Variants in SLC11A1 observed in about 807,000 individuals in gnomAD.
SLC11A1 encodes the protein solute carrier family 11 member 1, also known as natural resistance-associated macrophage protein 1.
In SLC11A1, 59 loss-of-function variants were observed where a neutral mutation model predicts 63.2. That is an observed-to-expected ratio of 0.93 (90% CI 0.76 to 1.16). SLC11A1 has a LOEUF of 1.16. Among genes scored for constraint, SLC11A1 ranks in the 50% most tolerant of loss-of-function variants. The probability of loss-of-function intolerance (pLI) is 0.00; values close to 1 mark genes in which losing one functional copy is unlikely to be tolerated. For synonymous variants in SLC11A1, 305 were observed against 307.8 expected, an observed-to-expected ratio of 0.99 and a Z score of 0.09; for missense variants, 688 against 730.7, an observed-to-expected ratio of 0.94 and a Z score of 0.67.
chr2:218,387,635 A>T lies in SLC11A1; in HGVS notation c.639+3A>T. 1 of 1,614,072 alleles carries T rather than the reference A, an allele frequency of 6.2e-7. No individual in the cohort carries two copies. Among genetic ancestry groups the T allele is most frequent in the South Asian group, 1.1e-5 (1 of 91,078 alleles). The stretch of plus-strand genomic sequence containing the variant: ...TGGCCTTGACCTTTGGCTATGAGGT[A>T]GGAAGCCAGTGCTGCAACCCCACTG... On this transcript the variant is annotated splice_donor_region_variant and intron_variant, in intron 7 of 14. Coordinates refer to ENST00000233202, the MANE Select transcript of SLC11A1 (RefSeq NM_000578.4).
chr2:218,390,029 G>A lies in SLC11A1; in HGVS notation c.954+1G>A. On this transcript the variant is annotated splice_donor_variant, in intron 9 of 14. Transcript: ENST00000233202. LOFTEE classifies it high-confidence loss of function. ...CTACCAGAAAACCAACCAGGCTGCG[G>A]TGAGACACACTTTCCCCCGCACCTG... The A allele has an allele frequency of 6.2e-7, 1 of 1,608,730 alleles. No homozygotes were observed. Among genetic ancestry groups the A allele is most frequent in the East Asian group, 2.2e-5 (1 of 44,858 alleles).
At position 218,385,225 on chromosome 2, in the gene SLC11A1, G is replaced by C; in HGVS notation, c.352G>C (p.Gly118Arg). 1 of 1,614,088 alleles carries C rather than the reference G, an allele frequency of 6.2e-7. No individual in the cohort carries two copies. Among genetic ancestry groups the C allele is most frequent in the Non-Finnish European group, 8.5e-7 (1 of 1,179,938 alleles). ...RLAARLGVVT[G>R]KDLGEVCHLY... The stretch of plus-strand genomic sequence containing the variant: ...GGCTGCACGTCTGGGCGTGGTGACA[G>C]GCAAGGACTTGGGCGAGGTCTGCCA... Residue 118 changes from glycine to arginine, a missense_variant, in exon 4 of 15, where the codon GGC (glycine) becomes CGC (arginine). Transcript: ENST00000233202.
chr2:218,394,828 G>A (rs771925358), intron 14 of SLC11A1, 43 bp downstream of exon 14: 1 of 1,608,914 alleles, frequency 6.2e-7, no homozygotes, highest in Admixed American at 1.7e-5. Context: ...GATGAGGGAA[G>A]GACAAGAGGC....
intron 5 of SLC11A1, 96 bp from the exon 6 acceptor site, chr2:218,387,064 C>T (rs1289630019): frequency 1.7e-6 from 2 of 1,165,550 alleles, no homozygotes; most frequent in Admixed American, 3.4e-5. Context: ...GGGTCCTGCT[C>T]CCAGGAGGCC....
Position 218,384,300 on chromosome 2 carries a change from A to G in SLC11A1, c.208A>G (p.Ile70Val), listed in dbSNP as rs1433970079. ...AFTGPGFLMS[I>V]AFLDPGNIES... ...CACGGGGCCTGGCTTCCTCATGAGC[A>G]TTGCTTTCCTGGACCCAGGAAACAT... The change falls in exon 3 of 15, where the codon ATT (isoleucine) becomes GTT (valine). Residue 70 changes from isoleucine to valine, a missense_variant. Ile to Val is a conservative substitution (Grantham distance 29, BLOSUM62 3). Transcript: ENST00000233202. This position sits in a 1 kb window ranked among gnomAD's most constrained non-coding sequence, Gnocchi z 4.0. The G allele has an allele frequency of 6.2e-7, 1 of 1,609,366 alleles. No homozygotes were observed. Among genetic ancestry groups the G allele is most frequent in the South Asian group, 1.1e-5 (1 of 90,604 alleles).
chr2:218,387,667 TCCC>T (rs752277536), intron 7 of SLC11A1, 35 bp downstream of exon 7: 1 of 1,613,094 alleles, frequency 6.2e-7, no homozygotes, highest in South Asian at 1.1e-5. Flanking sequence ...ACTGTGGACC[TCCC>T]AAGATCATTC....
intron 4 of SLC11A1, 107 bp from the exon 5 acceptor site, chr2:218,386,528 G>A (rs1485174216): frequency 2.0e-5 from 15 of 732,512 alleles, no homozygotes; most frequent in Admixed American, 1.3e-4. Context: ...GAAGCCCATT[G>A]GCCAGACTGT....
intron 8 of SLC11A1, 29 bp downstream of exon 8, chr2:218,387,984 C>A (rs2106332772): frequency 2.6e-6 from 4 of 1,562,426 alleles, no homozygotes; most frequent in East Asian, 2.3e-5. Context: ...AAAGGAGACC[C>A]CCTCACTCAG....
chr2:218,384,309 C>T lies in SLC11A1; in HGVS notation c.217C>T (p.Leu73=), dbSNP rs1357054741. Residue 73 remains leucine, a synonymous_variant, in exon 3 of 15, where the codon CTG becomes TTG. Transcript: ENST00000233202. This position sits in a 1 kb window ranked among gnomAD's most constrained non-coding sequence, Gnocchi z 4.0. ...GPGFLMSIAF[L]DPGNIESDLQ... ...TGGCTTCCTCATGAGCATTGCTTTCCTGGACCCAGGAAACATCGAGTCAGA... is the reference window on the plus strand; with the variant it reads ...TGGCTTCCTCATGAGCATTGCTTTCTTGGACCCAGGAAACATCGAGTCAGA... The T allele has an allele frequency of 6.2e-7, 1 of 1,609,168 alleles. No homozygotes were observed. The highest frequency in any genetic ancestry group is 8.5e-7 in the Non-Finnish European group (1 of 1,176,562).
intron 12 of SLC11A1, 108 bp downstream of exon 12, chr2:218,393,238 C>T (rs1696560219): frequency 1.7e-6 from 2 of 1,168,006 alleles, no homozygotes; most frequent in Non-Finnish European, 1.1e-6. Flanking sequence ...GTCCCAGGCA[C>T]ATCTTGCCTA....
chr2:218,389,482 G>A (rs930273700), intron 8 of SLC11A1, among the ~76,000 whole-genome samples: 1 of 152,146 alleles, frequency 6.6e-6, no homozygotes, highest in Non-Finnish European at 1.5e-5. Context: ...GGGCCCATGA[G>A]TTGGAGGCTG....
At chr2:218,389,721 C>A in intron 8 of SLC11A1, 149 bp from the exon 9 acceptor site, 1 of 696,528 alleles carries the variant, frequency 1.4e-6, no homozygotes, top group Non-Finnish European at 2.3e-6. Context: ...TGTAGGAAAC[C>A]ATCGGCTGAC....
rs1236054202 is a variant in SLC11A1 at position 218,396,727 on chromosome 2, C to G, written c.*1692C>G. 2 of 152,518 alleles carry G rather than the reference C, an allele frequency of 1.3e-5. No homozygotes were observed. Among genetic ancestry groups the G allele is most frequent in the South Asian group, 2.1e-4 (1 of 4,852 alleles). The allele number at this position is 152,518 out of a possible 1,614,324, so 9.4% of individuals were successfully genotyped here. A position where few individuals can be genotyped will look rare whatever the true frequency, so the allele number is the denominator to read the frequency against. ...GCTGAAGGAGGAGATGGATGGGGGA[C>G]GTTTAGCGAAGAAAGGCATCTCCCA... is the stretch of plus-strand genomic sequence containing the variant. On this transcript the variant is annotated 3_prime_UTR_variant, in exon 15 of 15. Coordinates refer to ENST00000233202, the MANE Select transcript of SLC11A1 (RefSeq NM_000578.4).
At position 218,395,592 on chromosome 2, in the gene SLC11A1, G is replaced by T. The variant is rs533364912; in HGVS notation, c.*557G>T. ...AGCGATTCTCTTTATTCAGCCCCGG[G>T]AGTGGCGCGCGCCACCACGCCCAGC... is the stretch of plus-strand genomic sequence containing the variant. On this transcript the variant is annotated 3_prime_UTR_variant, in exon 15 of 15. Coordinates refer to ENST00000233202, the MANE Select transcript of SLC11A1 (RefSeq NM_000578.4). 1 of 152,688 alleles carries T rather than the reference G, an allele frequency of 6.5e-6. No homozygotes were observed. Among genetic ancestry groups the T allele is most frequent in the Admixed American group, 6.5e-5 (1 of 15,304 alleles). The allele number at this position is 152,688 out of a possible 1,614,324, so 9.5% of individuals were successfully genotyped here. A position where few individuals can be genotyped will look rare whatever the true frequency, so the allele number is the denominator to read the frequency against.
Position 218,390,027 on chromosome 2 carries a change from C to T in SLC11A1, c.953C>T (p.Ala318Val), listed in dbSNP as rs201565523. 5.8e-5 allele frequency: 93 copies of T among 1,608,292 alleles called. No homozygotes were observed. The East Asian group carries it at 1.6e-3, about 28-fold the overall frequency. Residue 318 changes from alanine to valine, a missense_variant and splice_region_variant, in exon 9 of 15, where the codon GCG becomes GTG. Physicochemically the swap from Ala to Val is moderately conservative, Grantham distance 64. Coordinates refer to ENST00000233202, the MANE Select transcript of SLC11A1 (RefSeq NM_000578.4). ...QAFYQKTNQA[A>V]FNICANSSLH... ...TTCTACCAGAAAACCAACCAGGCTG[C>T]GGTGAGACACACTTTCCCCCGCACC...
chr2:218,386,871 T>G (rs1024576370), intron 5 of SLC11A1, 130 bp downstream of exon 5: 1 of 727,236 alleles, frequency 1.4e-6, no homozygotes, highest in Middle Eastern at 2.5e-4. Context: ...TGCTGCCCTG[T>G]TTTCCAGAAA....
At chr2:218,389,246 G>A (rs1001481615) in intron 8 of SLC11A1, among the ~76,000 whole-genome samples, 2 of 152,026 alleles carry the variant, frequency 1.3e-5, no homozygotes, top group Non-Finnish European at 2.9e-5. Context: ...AAGTGCAAAG[G>A]CCACTGGCAG....
intron 11 of SLC11A1, chr2:218,392,358 C>G (rs762298299): frequency 7.3e-4 from 119 of 162,078 alleles, no homozygotes; most frequent in Non-Finnish European, 6.0e-4. Context: ...GCCACCGCGC[C>G]CGGCTCTTTC....
At chr2:218,387,519 A>C (rs1266133675) in intron 6 of SLC11A1, 46 bp from the exon 7 acceptor site, 11 of 1,601,834 alleles carry the variant, frequency 6.9e-6, no homozygotes, top group Non-Finnish European at 8.5e-6. Flanking sequence ...TTGATGTCAC[A>C]GATTTTTTTC....
Sources: allele counts gnomAD v4.1 joint callset (sites outside exome capture counted in the v4.1 genomes callset), GRCh38; gene constraint gnomAD v4.1.1; non-coding constraint Gnocchi (gnomAD v3.1); transcripts MANE v1.5; gene names NCBI Gene and HGNC (gene_info 2026-07-23, HGNC 2026-07-21).